Variants in TMEM150C observed in about 807,000 individuals in gnomAD.
TMEM150C encodes tentonin 3.
Under a neutral mutation model 29.9 loss-of-function variants are expected in TMEM150C, and 10 were observed. The observed-to-expected ratio is 0.33, with a 90% CI of 0.21 to 0.57. TMEM150C has a LOEUF of 0.57. Ranked by LOEUF, TMEM150C falls within the 20% of genes least tolerant of loss-of-function variation. The pLI is 0.88. For missense variants in TMEM150C, 251 were observed against 303.6 expected (o/e 0.83, Z 1.29); for synonymous variants, 101 against 112.5 (o/e 0.90, Z 0.64).
At chr4:82,541,895 G>A (rs1480924190) in intron 1 of TMEM150C, among the ~76,000 whole-genome samples, 1 of 152,158 alleles carries the variant, frequency 6.6e-6, no homozygotes, top group Non-Finnish European at 1.5e-5. Context: ...TAACAGCCCT[G>A]CCTTGCTCTA....
In TMEM150C at chr4:82,504,786, T is replaced by G. The variant is rs1054979404; in HGVS notation, c.-10-119A>C. 16 of 683,080 alleles carry G rather than the reference T, an allele frequency of 2.3e-5. No individual in the cohort carries two copies. The South Asian group carries it at 2.6e-4, about 11-fold the overall frequency. The allele number at this position is 683,080 out of a possible 1,614,324, so 42.3% of individuals were successfully genotyped here. A position where few individuals can be genotyped will look rare whatever the true frequency, so the allele number is the denominator to read the frequency against. ...TGGCTTACACCTGTAATCCCAGCAC[T>G]TTGGGAGGCCGAGGTGGGCGGATCA... is the stretch of plus-strand genomic sequence containing the variant. On this transcript the variant is annotated intron_variant, in intron 1 of 7. Transcript: ENST00000449862.
chr4:82,544,773 T>G (rs1265952695), intron 1 of TMEM150C, among the ~76,000 whole-genome samples: 1 of 102,126 alleles, frequency 9.8e-6, no homozygotes, highest in African/African-American at 8.8e-5. Context: ...AGTAAGACTA[T>G]GCAAAAAAAA....
At chr4:82,502,518 A>C (rs560197766) in intron 5 of TMEM150C, among the ~76,000 whole-genome samples, 162 of 152,336 alleles carry the variant, frequency 1.1e-3, no homozygotes, top group African/African-American at 3.6e-3. Context: ...TGGTAAAGGG[A>C]AGAGAAAATG....
chr4:82,500,496 C>T (rs1029499022), intron 5 of TMEM150C, among the ~76,000 whole-genome samples: 1 of 152,028 alleles, frequency 6.6e-6, no homozygotes, highest in Non-Finnish European at 1.5e-5. Flanking sequence ...AGATGGCACT[C>T]AAAATGATGA....
Position 82,548,587 on chromosome 4 carries a change from G to T in TMEM150C, c.-11+13319C>A, listed in dbSNP as rs1275736800. Among the ~76,000 whole-genome samples the T allele has an allele frequency of 2.6e-5, 4 of 152,258 alleles. 1 individual carries two copies. Among genetic ancestry groups the T allele is most frequent in the African/African-American group, 9.6e-5 (4 of 41,532 alleles). Reference sequence around the variant, plus strand: ...GCTCCCCAAATTGCTGAGCTTGCTGGCTGGGCTCTGTGCTAGATGGAGTGA... The same window carrying T: ...GCTCCCCAAATTGCTGAGCTTGCTGTCTGGGCTCTGTGCTAGATGGAGTGA... On this transcript the variant is annotated intron_variant, in intron 1 of 7. Coordinates refer to ENST00000449862, the MANE Select transcript of TMEM150C (RefSeq NM_001080506.3).
intron 1 of TMEM150C, among the ~76,000 whole-genome samples, chr4:82,541,228 A>C (rs1225919715): frequency 6.6e-6 from 1 of 152,134 alleles, no homozygotes; most frequent in African/African-American, 2.4e-5. Context: ...ATTTCCCCAA[A>C]GTTTTCTTAT....
intron 5 of TMEM150C, 130 bp from the exon 6 acceptor site, chr4:82,496,325 G>A (rs1416653431): frequency 3.1e-5 from 28 of 892,084 alleles, no homozygotes; most frequent in African/African-American, 5.1e-5. Flanking sequence ...TTCTAAAGCC[G>A]CAATGTGCAA....
intron 5 of TMEM150C, among the ~76,000 whole-genome samples, chr4:82,502,308 G>A (rs1427450425): frequency 6.6e-6 from 1 of 152,060 alleles, no homozygotes; most frequent in African/African-American, 2.4e-5. Flanking sequence ...TAGGTTTAAA[G>A]ACAGTATCTA....
chr4:82,562,051 C>T (rs1199788270), upstream of TMEM150C: 1 of 1,151,074 alleles, frequency 8.7e-7, no homozygotes, highest in East Asian at 8.4e-5. Context: ...CCTCCTGCCG[C>T]GCCGGGGCCC....
intron 1 of TMEM150C, among the ~76,000 whole-genome samples, chr4:82,557,931 C>T (rs1725791305): frequency 1.3e-5 from 2 of 151,868 alleles, no homozygotes; most frequent in African/African-American, 4.8e-5. Context: ...CAGGGTTTCA[C>T]TGTATTGGCC....
chr4:82,561,579 G>A (rs1357902651), intron 1 of TMEM150C, among the ~76,000 whole-genome samples: 6 of 149,790 alleles, frequency 4.0e-5, no homozygotes, highest in South Asian at 2.1e-4. Flanking sequence ...GCCGCAGCGG[G>A]CGGGCTGGCT....
chr4:82,526,640 C>G (rs1379972973), intron 1 of TMEM150C, among the ~76,000 whole-genome samples: 1 of 152,148 alleles, frequency 6.6e-6, no homozygotes, highest in Non-Finnish European at 1.5e-5. Flanking sequence ...CAGGGTCACA[C>G]AGCTAGTAAG....
chr4:82,536,468 C>T (rs1725011808), intron 1 of TMEM150C, among the ~76,000 whole-genome samples: 1 of 151,576 alleles, frequency 6.6e-6, no homozygotes, highest in Non-Finnish European at 1.5e-5. Flanking sequence ...CACACATACG[C>T]TATAGGTGAA....
chr4:82,529,555 T>C (rs1387383250), intron 1 of TMEM150C, among the ~76,000 whole-genome samples: 1 of 152,146 alleles, frequency 6.6e-6, no homozygotes, highest in Non-Finnish European at 1.5e-5. Context: ...CCCCAAGTGC[T>C]GGGATTACAG....
intron 6 of TMEM150C, chr4:82,495,678 G>T: frequency 3.4e-6 from 1 of 297,640 alleles, no homozygotes; most frequent in East Asian, 8.4e-5. Flanking sequence ...CATGGGTCAA[G>T]ATACCCTGCT....
At chr4:82,505,087 A>G (rs970508843) in intron 1 of TMEM150C, among the ~76,000 whole-genome samples, 14 of 152,242 alleles carry the variant, frequency 9.2e-5, no homozygotes, top group African/African-American at 3.4e-4. Flanking sequence ...TTATGAAACC[A>G]TGATTCAAAT....
At chr4:82,559,246 C>T (rs759835380) in intron 1 of TMEM150C, among the ~76,000 whole-genome samples, 8 of 152,102 alleles carry the variant, frequency 5.3e-5, no homozygotes, top group African/African-American at 2.4e-5. Flanking sequence ...TCTCTTCACA[C>T]GGACCCATGT....
chr4:82,520,814 A>T (rs1227624305), intron 1 of TMEM150C, among the ~76,000 whole-genome samples: 1 of 152,172 alleles, frequency 6.6e-6, no homozygotes, highest in Non-Finnish European at 1.5e-5. Flanking sequence ...CTGAGGATAC[A>T]ATAAGCACTA....
chr4:82,495,148 C>T, intron 6 of TMEM150C: 1 of 501,752 alleles, frequency 2.0e-6, no homozygotes, highest in Non-Finnish European at 3.4e-6. Context: ...TCTTTAGAGA[C>T]ACTGAAAAGT....
Sources: allele counts gnomAD v4.1 joint callset (sites outside exome capture counted in the v4.1 genomes callset), GRCh38; gene constraint gnomAD v4.1.1; transcripts MANE v1.5; gene names NCBI Gene and HGNC (gene_info 2026-07-23, HGNC 2026-07-21).